PAH: variants seen among roughly 807,000 people sequenced by gnomAD.
PAH encodes the protein phenylalanine-4-hydroxylase.
In PAH, 64 loss-of-function variants were observed where a neutral mutation model predicts 62.0. That is an observed-to-expected ratio of 1.03 (90% CI 0.84 to 1.27). PAH has a LOEUF of 1.27. Ranked by LOEUF, PAH falls within the 50% of genes most tolerant of loss-of-function variation. The pLI is 0.00. For synonymous variants in PAH, 195 were observed against 196.2 expected (o/e 0.99, Z 0.05); for missense variants, 579 against 542.8 (o/e 1.07, Z -0.66).
At chr12:102,839,970 A>G (rs1245943730) in intron 12 of PAH, among the ~76,000 whole-genome samples, 2 of 152,228 alleles carry the variant, frequency 1.3e-5, no homozygotes, top group Admixed American at 6.5e-5. Flanking sequence ...ACCCTGTGAT[A>G]TTCTTAAGGG....
At position 102,842,616 on chromosome 12, in the gene PAH, T is replaced by TG. The variant is rs537167954; in HGVS notation, c.1199+1029dup. 9.2e-5 allele frequency among the ~76,000 whole-genome samples: 14 copies of TG among 152,158 alleles called. No individual in the cohort carries two copies. The South Asian group carries it at 1.3e-3, about 14-fold the overall frequency. ...TTTTTACCTTTCTTTGTGAGGGGTC[T>TG]GGGGGGGATGGAATTTGGATTTAGA... On this transcript the variant is annotated intron_variant, in intron 11 of 12. Coordinates refer to ENST00000553106, the MANE Select transcript of PAH (RefSeq NM_000277.3).
chr12:102,958,331 C>G (rs748691438), exon 1 of PAH: 1 of 1,466,874 alleles, frequency 6.8e-7, no homozygotes, highest in Non-Finnish European at 9.0e-7. Context: ...CGCCCGCAGC[C>G]TGTTTCTTTG....
Position 102,866,588 on chromosome 12 carries a change from A to C in PAH, c.509+8T>G. On this transcript the variant is annotated splice_region_variant and intron_variant, in intron 5 of 12. Coordinates refer to ENST00000553106, the MANE Select transcript of PAH (RefSeq NM_000277.3). ...CTCTCTTCCCCTCAACAAGCAAGGC[A>C]GACTTACTGGCGGTAGTTGTAGGCA... The C allele has an allele frequency of 1.9e-6, 3 of 1,611,298 alleles. No individual in the cohort carries two copies. Among genetic ancestry groups the C allele is most frequent in the African/African-American group, 1.3e-5 (1 of 74,974 alleles).
chr12:102,935,697 C>A (rs1254909463), intron 1 of PAH, among the ~76,000 whole-genome samples: 2 of 143,426 alleles, frequency 1.4e-5, no homozygotes, highest in South Asian at 4.5e-4. Context: ...CTCATTGTAG[C>A]CTCTAATGAT....
chr12:102,874,144 C>CTA (rs1405254657), intron 4 of PAH, among the ~76,000 whole-genome samples: 4 of 152,052 alleles, frequency 2.6e-5, no homozygotes, highest in Non-Finnish European at 5.9e-5. Flanking sequence ...AGGGAGGCAA[C>CTA]ATATATGATT....
chr12:102,846,263 A>C (rs1213724682), intron 9 of PAH, among the ~76,000 whole-genome samples: 1 of 152,204 alleles, frequency 6.6e-6, no homozygotes. Flanking sequence ...TATCTTAATA[A>C]TAGATTTGCA....
intron 5 of PAH, among the ~76,000 whole-genome samples, chr12:102,858,714 T>C (rs1327647643): frequency 1.3e-5 from 2 of 152,198 alleles, no homozygotes; most frequent in African/African-American, 4.8e-5. Flanking sequence ...AACCTGCTCC[T>C]GAATGACTCC....
rs1379613102 is a variant in PAH at position 102,897,492 on chromosome 12, T to TATATATATATAA, written c.169-2575_169-2574insTTATATATATAT. 2.8e-3 allele frequency among the ~76,000 whole-genome samples: 382 copies of TATATATATATAA among 137,332 alleles called. 4 individuals are homozygous for TATATATATATAA. Among genetic ancestry groups the TATATATATATAA allele is most frequent in the African/African-American group, 0.012 (372 of 31,192 alleles). The allele number at this position is 137,332 out of a possible 152,430, so 90.1% of individuals were successfully genotyped here. On this transcript the variant is annotated intron_variant, in intron 2 of 12. Coordinates refer to ENST00000553106, the MANE Select transcript of PAH (RefSeq NM_000277.3). ...ATATATATATATATATATATATATA[T>TATATATATATAA]AATTCAAACTGACATTTATTCTTGG...
At chr12:102,844,800 G>T (rs887058291) in intron 9 of PAH, among the ~76,000 whole-genome samples, 4 of 152,138 alleles carry the variant, frequency 2.6e-5, no homozygotes, top group African/African-American at 9.7e-5. Flanking sequence ...ACCACCCAGG[G>T]GTTCTCAGGC....
At chr12:102,958,280 C>A in exon 1 of PAH, 1 of 1,475,416 alleles carries the variant, frequency 6.8e-7, no homozygotes, top group South Asian at 1.3e-5. Flanking sequence ...GCGGCGGCGC[C>A]GGCCAGCAGC....
chr12:102,852,805 C>G lies in PAH; in HGVS notation c.842+10G>C. The G allele has an allele frequency of 6.2e-7, 1 of 1,613,940 alleles. No homozygotes were observed. The highest frequency in any genetic ancestry group is 8.5e-7 in the Non-Finnish European group (1 of 1,179,906). ...TGCCTGGCAACTGGTAGCTGGAGGA[C>G]AGTACTCACGGTTCGGGGGTATACA... On this transcript the variant is annotated intron_variant, in intron 7 of 12. Transcript: ENST00000553106.
Position 102,837,270 on chromosome 12 carries a change from AT to A in PAH, c.*1904del, listed in dbSNP as rs754954338. The A allele has an allele frequency of 6.6e-6, 1 of 152,204 alleles. No individual in the cohort carries two copies. Among genetic ancestry groups the A allele is most frequent in the Non-Finnish European group, 1.5e-5 (1 of 68,026 alleles). 9.4% of individuals were successfully genotyped at this position (152,204 alleles called of 1,614,324 possible). The stretch of plus-strand genomic sequence containing the variant: ...ATTCAGTATGTAACTTCCTGTGAAA[AT>A]CATAACTTAACCGAAACTTTACCTT... On this transcript the variant is annotated 3_prime_UTR_variant, in exon 13 of 13. Coordinates refer to ENST00000553106, the MANE Select transcript of PAH (RefSeq NM_000277.3).
intron 3 of PAH, chr12:102,885,961 C>G (rs1877023930): frequency 6.6e-6 from 1 of 152,402 alleles, no homozygotes; most frequent in South Asian, 2.1e-4. Flanking sequence ...CCTCCAGCCC[C>G]CCAGAGAAGC....
In PAH at chr12:102,872,602, TG is replaced by T. The variant is rs201359771; in HGVS notation, c.441+4859del. On this transcript the variant is annotated intron_variant, in intron 4 of 12. Transcript: ENST00000553106. ...GTATTGAAAAATATAGTCTTGTTAT[TG>T]GGCAATTTGCTGAAGAAGAAATTTC... is the stretch of plus-strand genomic sequence containing the variant. 8.7e-3 allele frequency among the ~76,000 whole-genome samples: 1,324 copies of T among 152,312 alleles called. 18 individuals carry two copies. Among genetic ancestry groups the T allele is most frequent in the African/African-American group, 0.031 (1,271 of 41,558 alleles).
At chr12:102,943,321 C>T (rs1285361913) in intron 1 of PAH, among the ~76,000 whole-genome samples, 1 of 152,108 alleles carries the variant, frequency 6.6e-6, no homozygotes, top group Non-Finnish European at 1.5e-5. Context: ...TGAAAAAATG[C>T]TCAACATCAC....
At chr12:102,844,510 C>T in intron 9 of PAH, 79 bp from the exon 10 acceptor site, 1 of 916,024 alleles carries the variant, frequency 1.1e-6, no homozygotes, top group Middle Eastern at 2.3e-4. Context: ...GAAGGGATAC[C>T]TGAATAGATA....
intron 3 of PAH, among the ~76,000 whole-genome samples, chr12:102,889,590 C>A (rs1212507747): frequency 6.6e-6 from 1 of 151,762 alleles, no homozygotes; most frequent in Non-Finnish European, 1.5e-5. Context: ...ATAGGTCTTT[C>A]TGCTTTCCAC....
chr12:102,926,135 T>C lies in PAH; in HGVS notation c.-95-8910A>G, dbSNP rs116781336. 7.8e-3 allele frequency among the ~76,000 whole-genome samples: 1,193 copies of C among 152,048 alleles called. 23 individuals carry two copies. Among genetic ancestry groups the C allele is most frequent in the African/African-American group, 0.027 (1,124 of 41,468 alleles). On this transcript the variant is annotated intron_variant, in intron 1 of 3. Transcript: ENST00000546844. ...TTAGGAAACAGGAACATTAAATAAA[T>C]AGACAAAAAAGGCAAGATAAACTCA... is the stretch of plus-strand genomic sequence containing the variant.
upstream of PAH, among the ~76,000 whole-genome samples, chr12:102,951,818 GT>G (rs1260901657): frequency 7.0e-6 from 1 of 142,252 alleles, no homozygotes; most frequent in East Asian, 2.0e-4. Context: ...ATTTGAGTCT[GT>G]TTTATGTTCC....
Sources: allele counts gnomAD v4.1 joint callset (sites outside exome capture counted in the v4.1 genomes callset), GRCh38; gene constraint gnomAD v4.1.1; transcripts MANE v1.5; gene names NCBI Gene and HGNC (gene_info 2026-07-23, HGNC 2026-07-21).